DPP10: variants seen among roughly 807,000 people sequenced by gnomAD.
DPP10 encodes dipeptidyl peptidase like 10.
DPP10 carries 33 observed loss-of-function variants against 120.9 expected under a neutral mutation model. That is an observed-to-expected ratio of 0.27 (90% CI 0.21 to 0.37). DPP10 has a LOEUF of 0.37. Among genes scored for constraint, DPP10 ranks in the 10% least tolerant of loss-of-function variants. The pLI is 1.00. For missense variants in DPP10, 816 were observed against 942.8 expected, an observed-to-expected ratio of 0.87 and a Z score of 1.76; for synonymous variants, 337 against 326.1, an observed-to-expected ratio of 1.03 and a Z score of -0.36.
chr2:115,736,107 T>C (rs2149676165), intron 8 of DPP10, among the ~76,000 whole-genome samples: 1 of 152,274 alleles, frequency 6.6e-6, no homozygotes, highest in African/African-American at 2.4e-5. Context: ...ATTATGACTA[T>C]ATTCCTGGTG....
At chr2:115,306,925 G>T (rs540831815) in intron 1 of DPP10, among the ~76,000 whole-genome samples, 1 of 152,114 alleles carries the variant, frequency 6.6e-6, no homozygotes, top group East Asian at 1.9e-4. Context: ...TTATGTATGG[G>T]TCCAAATAAC....
rs116487732 is a variant in DPP10, at chr2:115,763,664, C to T, written c.1113+1054C>T. Among the ~76,000 whole-genome samples the T allele has an allele frequency of 2.6e-3, 403 of 152,278 alleles. 2 individuals carry two copies. Among genetic ancestry groups the T allele is most frequent in the African/African-American group, 9.4e-3 (392 of 41,564 alleles). On this transcript the variant is annotated intron_variant, in intron 12 of 25. Transcript: ENST00000410059. Reference sequence around the variant, plus strand: ...ACAGATCCAGCAAGTCTCAACCCCTCAGGCACCTGCCAATCTGTTCACACT... The same window carrying T: ...ACAGATCCAGCAAGTCTCAACCCCTTAGGCACCTGCCAATCTGTTCACACT...
intron 5 of DPP10, among the ~76,000 whole-genome samples, chr2:115,569,870 CTA>C (rs2081238458): frequency 6.6e-6 from 1 of 152,038 alleles, no homozygotes; most frequent in African/African-American, 2.4e-5. Flanking sequence ...TGAACTAAAA[CTA>C]ATTTGAAATA....
intron 1 of DPP10, among the ~76,000 whole-genome samples, chr2:114,605,660 A>T (rs2105253337): frequency 6.6e-6 from 1 of 152,236 alleles, no homozygotes; most frequent in African/African-American, 2.4e-5. Flanking sequence ...TAGTGCCCCT[A>T]ACCCCGATAT....
chr2:115,573,524 C>T (rs1216754807), intron 5 of DPP10, among the ~76,000 whole-genome samples: 9 of 151,078 alleles, frequency 6.0e-5, no homozygotes, highest in African/African-American at 1.7e-4. Context: ...CCTCGTGATC[C>T]GCCCACCTCG....
intron 21 of DPP10, among the ~76,000 whole-genome samples, chr2:115,822,484 A>G (rs1687910148): frequency 6.6e-6 from 1 of 152,026 alleles, no homozygotes; most frequent in Non-Finnish European, 1.5e-5. Flanking sequence ...TTCTAAAAAG[A>G]AAATACACCA....
intron 10 of DPP10, among the ~76,000 whole-genome samples, chr2:115,748,913 A>G (rs545487997): frequency 1.1e-4 from 16 of 152,146 alleles, no homozygotes; most frequent in African/African-American, 1.7e-4. Context: ...CATTTCATCA[A>G]TTTAGACAAT....
intron 1 of DPP10, among the ~76,000 whole-genome samples, chr2:114,859,694 G>C (rs1205572102): frequency 6.6e-6 from 1 of 152,124 alleles, no homozygotes; most frequent in Non-Finnish European, 1.5e-5. Flanking sequence ...TGGATCTCCT[G>C]CTTCTCTGTG....
intron 5 of DPP10, among the ~76,000 whole-genome samples, chr2:115,617,697 A>T (rs1341334179): frequency 6.6e-6 from 1 of 152,012 alleles, no homozygotes; most frequent in Non-Finnish European, 1.5e-5. Flanking sequence ...AGGCTAGACC[A>T]CCTAGGTTTG....
At position 114,829,254 on chromosome 2, in the gene DPP10, C is replaced by T. The variant is rs565359054; in HGVS notation, c.60+386416C>T. 3.3e-5 allele frequency among the ~76,000 whole-genome samples: 5 copies of T among 152,030 alleles called. No individual in the cohort carries two copies. The East Asian group carries it at 7.8e-4, about 24-fold the overall frequency. On this transcript the variant is annotated intron_variant, in intron 1 of 25. Coordinates refer to ENST00000410059, the MANE Select transcript of DPP10 (RefSeq NM_020868.6). The stretch of plus-strand genomic sequence containing the variant: ...GCAGTGAGCCAAGATCGAGCCACTG[C>T]ACTCCAGCCTGGGCGACAGAGTGAG...
chr2:114,687,122 T>C (rs1260769356), intron 1 of DPP10, among the ~76,000 whole-genome samples: 2 of 151,984 alleles, frequency 1.3e-5, no homozygotes, highest in East Asian at 3.9e-4. Flanking sequence ...CTGTTACTGG[T>C]TGAAGAAAAT....
chr2:115,056,822 C>T (rs144661749), intron 1 of DPP10, among the ~76,000 whole-genome samples: 9 of 152,314 alleles, frequency 5.9e-5, no homozygotes, highest in East Asian at 5.8e-4. Context: ...ATGGGGATAT[C>T]GGCTTATAGC....
At chr2:115,794,827 G>T (rs1441167300) in intron 19 of DPP10, among the ~76,000 whole-genome samples, 4 of 151,822 alleles carry the variant, frequency 2.6e-5, no homozygotes, top group Non-Finnish European at 5.9e-5. Flanking sequence ...TTATAACCTC[G>T]TATTGTTCTT....
intron 3 of DPP10, among the ~76,000 whole-genome samples, chr2:115,398,581 T>C (rs1329388072): frequency 1.3e-5 from 2 of 152,190 alleles, no homozygotes; most frequent in African/African-American, 4.8e-5. Context: ...TCTTGGTGGG[T>C]ATATAATAAA....
chr2:114,778,760 G>A (rs1012952982), intron 1 of DPP10, among the ~76,000 whole-genome samples: 2 of 152,010 alleles, frequency 1.3e-5, no homozygotes, highest in Admixed American at 6.6e-5. Flanking sequence ...TGCAAAGGAA[G>A]CCAGAAAATG....
intron 5 of DPP10, among the ~76,000 whole-genome samples, chr2:115,629,155 TTATGGCTGCATAG>T (rs2085623307): frequency 6.6e-6 from 1 of 152,244 alleles, no homozygotes; most frequent in African/African-American, 2.4e-5. Flanking sequence ...TCATCCTTTT[TTATGGCTGCATAG>T]TATTCCATGG....
intron 1 of DPP10, among the ~76,000 whole-genome samples, chr2:115,262,565 A>G (rs995159234): frequency 1.3e-5 from 2 of 152,102 alleles, no homozygotes; most frequent in Non-Finnish European, 2.9e-5. Flanking sequence ...TTATAAACGT[A>G]TTGTTTCTGT....
At chr2:114,982,510 A>G (rs956600066) in intron 1 of DPP10, among the ~76,000 whole-genome samples, 2 of 152,250 alleles carry the variant, frequency 1.3e-5, no homozygotes, top group African/African-American at 4.8e-5. Context: ...TGTAGGAAGT[A>G]CAAGCCTTCT....
At chr2:115,196,174 G>T (rs2055252869) in intron 1 of DPP10, among the ~76,000 whole-genome samples, 1 of 152,130 alleles carries the variant, frequency 6.6e-6, no homozygotes. Flanking sequence ...TCCCCCTGTG[G>T]TTTTCTAATT....
Sources: gnomAD v4.1 joint callset for allele counts (sites outside exome capture counted in the v4.1 genomes callset) on GRCh38, gnomAD v4.1.1 for gene constraint, MANE v1.5 for transcripts, NCBI Gene and HGNC (gene_info 2026-07-23, HGNC 2026-07-21) for gene names.